Variants in CALN1 observed in about 807,000 individuals in gnomAD.
CALN1 encodes calcium-binding protein 8.
A neutral mutation model predicts 30.6 loss-of-function variants in CALN1; 17 were observed. The ratio of observed to expected loss-of-function variants is 0.56; its 90% CI spans 0.38 to 0.83. The LOEUF (loss-of-function observed/expected upper bound fraction) is 0.83. Among genes scored for constraint, CALN1 ranks in the 40% least tolerant of loss-of-function variants. The pLI, the probability that CALN1 is intolerant of heterozygous loss-of-function variation, is 0.00. For synonymous variants in CALN1, 156 were observed against 131.4 expected (o/e 1.19, Z -1.28); for missense variants, 291 against 354.9 (o/e 0.82, Z 1.45).
At chr7:72,010,593 C>A (rs531398988) in intron 5 of CALN1, among the ~76,000 whole-genome samples, 1 of 149,406 alleles carries the variant, frequency 6.7e-6, no homozygotes. Flanking sequence ...GGGCGAATCA[C>A]CTGCATTCAG....
intron 3 of CALN1, among the ~76,000 whole-genome samples, chr7:72,172,448 T>C (rs1789036713): frequency 6.6e-6 from 1 of 152,104 alleles, no homozygotes. Flanking sequence ...AAGAGTGAAA[T>C]GGACCAAAAA....
intron 3 of CALN1, among the ~76,000 whole-genome samples, chr7:72,275,983 A>G (rs1249927493): frequency 1.3e-5 from 2 of 152,164 alleles, no homozygotes; most frequent in African/African-American, 2.4e-5. Context: ...GAAAAAAGCC[A>G]TTGCACTGAA....
At chr7:72,077,036 AG>A (rs1176795071) in intron 4 of CALN1, among the ~76,000 whole-genome samples, 2 of 151,478 alleles carry the variant, frequency 1.3e-5, no homozygotes. Flanking sequence ...AAACCAAGGG[AG>A]AAGTATTTCT....
intron 5 of CALN1, among the ~76,000 whole-genome samples, chr7:71,832,335 C>T (rs1024945790): frequency 6.6e-6 from 1 of 152,122 alleles, no homozygotes; most frequent in Non-Finnish European, 1.5e-5. Context: ...AGAAGAAAGC[C>T]ATTTCTGATG....
At chr7:72,484,466 T>G in the CALN1 span, among the ~76,000 whole-genome samples, 5 of 152,302 alleles carry the variant, frequency 3.3e-5, no homozygotes, top group African/African-American at 1.2e-4. Flanking sequence ...CAGGCACTAT[T>G]CCCAGTCCTG....
intron 5 of CALN1, among the ~76,000 whole-genome samples, chr7:71,953,095 T>C (rs1796777361): frequency 6.6e-6 from 1 of 152,146 alleles, no homozygotes; most frequent in Non-Finnish European, 1.5e-5. Context: ...TAGCTGGGAC[T>C]ACAGGCACGC....
chr7:71,857,503 C>G (rs962728877), intron 5 of CALN1, among the ~76,000 whole-genome samples: 6 of 152,214 alleles, frequency 3.9e-5, no homozygotes, highest in Admixed American at 2.0e-4. Flanking sequence ...AAGGATTGCT[C>G]CTTTAGAAAA....
chr7:72,365,771 T>C lies in CALN1; in HGVS notation c.119+37480A>G, dbSNP rs1803839790. 3.9e-5 allele frequency among the ~76,000 whole-genome samples: 6 copies of C among 152,122 alleles called. No individual in the cohort carries two copies. In the South Asian group the frequency reaches 1.2e-3, roughly 31 times the overall value. ...ATCACGAATAATCAAAGAAACATTA[T>C]CTAATGCAAAGATGTGAAATTATTC... On this transcript the variant is annotated intron_variant, in intron 2 of 6. Coordinates refer to ENST00000395275, the MANE Select transcript of CALN1 (RefSeq NM_031468.4).
At chr7:71,864,964 C>T (rs781123315) in intron 5 of CALN1, among the ~76,000 whole-genome samples, 19 of 151,904 alleles carry the variant, frequency 1.3e-4, no homozygotes, top group Non-Finnish European at 2.4e-4. Context: ...GATCACGCCA[C>T]TGCACTCCAG....
At chr7:72,222,141 G>A (rs756138968) in intron 3 of CALN1, among the ~76,000 whole-genome samples, 7 of 152,150 alleles carry the variant, frequency 4.6e-5, no homozygotes, top group Middle Eastern at 3.4e-3. Flanking sequence ...CAGGAGCATC[G>A]CTTAAACCTG....
At chr7:72,314,672 C>G (rs570682756) in intron 2 of CALN1, among the ~76,000 whole-genome samples, 78 of 151,796 alleles carry the variant, frequency 5.1e-4, no homozygotes, top group African/African-American at 1.9e-3. Flanking sequence ...GCCTTGTCTG[C>G]CCAAAGTGCT....
chr7:72,092,689 TCAC>T (rs35128244), intron 4 of CALN1, among the ~76,000 whole-genome samples: 33,934 of 150,372 alleles, frequency 0.23, 4,741 homozygotes, highest in East Asian at 0.69. Flanking sequence ...TTAGTGTTGT[TCAC>T]CAAGTATTTC....
chr7:72,036,275 CTT>C (rs986432711), intron 4 of CALN1, among the ~76,000 whole-genome samples: 3 of 152,154 alleles, frequency 2.0e-5, no homozygotes, highest in African/African-American at 7.2e-5. Flanking sequence ...CAAAGATTCT[CTT>C]TGTCTTTGTC....
intron 5 of CALN1, among the ~76,000 whole-genome samples, chr7:71,831,766 C>T (rs1276539934): frequency 6.7e-6 from 1 of 148,512 alleles, no homozygotes; most frequent in Non-Finnish European, 1.5e-5. Flanking sequence ...GCAGCACGCA[C>T]CTGTAGTCGC....
chr7:72,058,671 C>A (rs916768218), intron 4 of CALN1, among the ~76,000 whole-genome samples: 1 of 152,144 alleles, frequency 6.6e-6, no homozygotes, highest in Non-Finnish European at 1.5e-5. Flanking sequence ...ACACCCTGGG[C>A]AGAGGGCCAA....
intron 6 of CALN1, among the ~76,000 whole-genome samples, chr7:71,799,421 T>TTTTATTTATTTA (rs57965086): frequency 3.6e-4 from 52 of 144,754 alleles, no homozygotes; most frequent in African/African-American, 1.1e-3. Flanking sequence ...CTCTGGGTCT[T>TTTTATTTATTTA]TTTATTTATT....
intron 2 of CALN1, among the ~76,000 whole-genome samples, chr7:72,382,654 G>A (rs1025886083): frequency 5.9e-5 from 9 of 152,062 alleles, no homozygotes; most frequent in Admixed American, 5.2e-4. Context: ...CTGTTTCTTC[G>A]GTCTTTATGT....
intron 4 of CALN1, among the ~76,000 whole-genome samples, chr7:72,042,434 C>T (rs976653647): frequency 6.6e-6 from 1 of 152,188 alleles, no homozygotes; most frequent in Non-Finnish European, 1.5e-5. Context: ...GGACATGCTT[C>T]ACTCCCCTAA....
chr7:72,439,767 T>G (rs997774292), intron 1 of CALN1, among the ~76,000 whole-genome samples: 1 of 151,900 alleles, frequency 6.6e-6, no homozygotes, highest in Non-Finnish European at 1.5e-5. Flanking sequence ...GTAGTAGAGA[T>G]GGGGTTTCAC....
Sources: allele counts gnomAD v4.1 joint callset (sites outside exome capture counted in the v4.1 genomes callset), GRCh38; gene constraint gnomAD v4.1.1; transcripts MANE v1.5; gene names NCBI Gene and HGNC (gene_info 2026-07-23, HGNC 2026-07-21).